Variants in ANKRD27 observed in about 807,000 individuals in gnomAD.
The protein encoded by ANKRD27 is ankyrin repeat domain 27, also known as ankyrin repeat domain-containing protein 27.
A neutral mutation model predicts 129.7 loss-of-function variants in ANKRD27; 112 were observed. The ratio of observed to expected loss-of-function variants is 0.86; its 90% CI spans 0.74 to 1.01. The LOEUF (loss-of-function observed/expected upper bound fraction) is 1.01. Ranked by LOEUF, ANKRD27 falls within the 50% of genes least tolerant of loss-of-function variation. The probability of loss-of-function intolerance (pLI) is 0.00; values close to 1 mark genes in which losing one functional copy is unlikely to be tolerated. For synonymous variants in ANKRD27, 516 were observed against 511.2 expected (o/e 1.01, Z -0.13); for missense variants, 1,258 against 1,300.5 (o/e 0.97, Z 0.50).
rs751751587 is a variant in ANKRD27, at chr19:32,607,757, C to T, written c.2251G>A (p.Ala751Thr). 1.7e-5 allele frequency: 28 copies of T among 1,612,662 alleles called. No homozygotes were observed. Among genetic ancestry groups the T allele is most frequent in the South Asian group, 4.4e-5 (4 of 90,970 alleles). Residue 751 changes from alanine (A) to threonine (T), a missense_variant, in exon 23 of 29, where the codon GCC becomes ACC. Transcript: ENST00000306065. ...AGGTCCGCCCGGCCGTGCAGGGCGG[C>T]GACATGCAGCGGGGAGGAGCCGTCC... ...SQDGSSPLHV[A>T]ALHGRADLIP...
chr19:32,625,854 G>A lies in ANKRD27; in HGVS notation c.1629+20C>T. 1 of 1,554,146 alleles carries A rather than the reference G, an allele frequency of 6.4e-7. No homozygotes were observed. The highest frequency in any genetic ancestry group is 1.2e-5 in the South Asian group (1 of 81,802). On this transcript the variant is annotated intron_variant, in intron 17 of 28. Coordinates refer to ENST00000306065, the MANE Select transcript of ANKRD27 (RefSeq NM_032139.3). The stretch of plus-strand genomic sequence containing the variant: ...GGAAAGGGTGAACGCAGCCCCCCCG[G>A]AACAGCAAGAGCCACTCACGTCCTC...
chr19:32,610,566 C>T (rs921785623), intron 22 of ANKRD27, among the ~76,000 whole-genome samples: 3 of 150,370 alleles, frequency 2.0e-5, no homozygotes, highest in African/African-American at 4.9e-5. Context: ...CTGAGGCAAG[C>T]GGATCACTTG....
chr19:32,634,790 C>A (rs1967059943), intron 12 of ANKRD27, among the ~76,000 whole-genome samples: 1 of 152,152 alleles, frequency 6.6e-6, no homozygotes, highest in South Asian at 2.1e-4. Context: ...TGGTGCGTGC[C>A]TGTAGTCCCA....
intron 1 of ANKRD27, among the ~76,000 whole-genome samples, chr19:32,664,659 T>TAATAAAAAA (rs1399389861): frequency 1.5e-5 from 2 of 136,402 alleles, no homozygotes; most frequent in Non-Finnish European, 3.1e-5. Flanking sequence ...ATAATAATAA[T>TAATAAAAAA]AAAAAGTTCT....
rs1422102975 is a variant in ANKRD27, at chr19:32,641,924, C to T, written c.904+100G>A. ...CTGGGGTTACAGAGGTGAGCCACTG[C>T]ACCCAGCCCCATAAAAATCCCTTAA... On this transcript the variant is annotated intron_variant, in intron 10 of 28. Transcript: ENST00000306065. 3.6e-6 allele frequency: 5 copies of T among 1,398,984 alleles called. No individual in the cohort carries two copies. In the South Asian group the frequency reaches 4.8e-5, roughly 13 times the overall value. 86.7% of individuals were successfully genotyped at this position (1,398,984 alleles called of 1,614,324 possible). A position where few individuals can be genotyped will look rare whatever the true frequency, so the allele number is the denominator to read the frequency against.
chr19:32,662,311 C>CAAAAAAAA (rs34066529), intron 1 of ANKRD27, among the ~76,000 whole-genome samples: 2 of 38,004 alleles, frequency 5.3e-5, no homozygotes, highest in African/African-American at 1.1e-4. Flanking sequence ...ACTCAGTCTC[C>CAAAAAAAA]AAAAAAAAAA....
intron 3 of ANKRD27, among the ~76,000 whole-genome samples, chr19:32,647,612 C>T (rs1029089895): frequency 3.3e-5 from 5 of 152,190 alleles, no homozygotes; most frequent in East Asian, 1.9e-4. Flanking sequence ...AGAGGAAGCA[C>T]GGGGTTGTCA....
At position 32,641,764 on chromosome 19, in the gene ANKRD27, C is replaced by CTTTTTTTTTTTTTTTTTTTTT; in HGVS notation, c.904+259_904+260insAAAAAAAAAAAAAAAAAAAAA. On this transcript the variant is annotated intron_variant, in intron 10 of 28. Coordinates refer to ENST00000306065, the MANE Select transcript of ANKRD27 (RefSeq NM_032139.3). ...TTTCTTGACTTGTTTTCTTTTACTT[C>CTTTTTTTTTTTTTTTTTTTTT]TTCTTTTTTTTTTTTTTTTTTGAGA... Among the ~76,000 whole-genome samples the CTTTTTTTTTTTTTTTTTTTTT allele has an allele frequency of 7.5e-5, 6 of 79,726 alleles. 3 individuals carry two copies. Among genetic ancestry groups the CTTTTTTTTTTTTTTTTTTTTT allele is most frequent in the Admixed American group, 2.6e-4 (2 of 7,822 alleles). The allele number at this position is 79,726 out of a possible 152,430, so 52.3% of individuals were successfully genotyped here.
At chr19:32,605,686 A>G (rs1486977336) in intron 24 of ANKRD27, 149 bp downstream of exon 24, 2 of 1,058,144 alleles carry the variant, frequency 1.9e-6, no homozygotes, top group Non-Finnish European at 2.7e-6. Flanking sequence ...CCCGTGTGGG[A>G]AGACGCACGC....
intron 17 of ANKRD27, among the ~76,000 whole-genome samples, chr19:32,624,212 C>G (rs549207800): frequency 6.6e-6 from 1 of 151,998 alleles, no homozygotes; most frequent in East Asian, 1.9e-4. Context: ...ACTAAAAATA[C>G]AAAAATTAGC....
chr19:32,656,319 C>T (rs527324251), intron 2 of ANKRD27, among the ~76,000 whole-genome samples: 4 of 152,230 alleles, frequency 2.6e-5, no homozygotes, highest in Admixed American at 1.3e-4. Context: ...TATCATACAA[C>T]GAAGACAGGA....
intron 1 of ANKRD27, among the ~76,000 whole-genome samples, chr19:32,659,603 G>A (rs189489432): frequency 2.9e-4 from 44 of 152,168 alleles, no homozygotes; most frequent in Non-Finnish European, 2.5e-4. Flanking sequence ...TATCCTACAT[G>A]ACCAAAATTA....
intron 1 of ANKRD27, among the ~76,000 whole-genome samples, chr19:32,661,543 G>A (rs887111524): frequency 1.3e-5 from 2 of 151,906 alleles, no homozygotes; most frequent in Non-Finnish European, 2.9e-5. Flanking sequence ...AGATTTTGCT[G>A]TGTTGCCCAC....
intron 12 of ANKRD27, among the ~76,000 whole-genome samples, chr19:32,632,314 G>A (rs185808929): frequency 7.3e-5 from 11 of 149,952 alleles, no homozygotes; most frequent in Non-Finnish European, 1.0e-4. Context: ...GGCCAGGCGC[G>A]GTGGCTCATG....
intron 1 of ANKRD27, among the ~76,000 whole-genome samples, chr19:32,668,695 C>T (rs565675226): frequency 6.6e-6 from 1 of 152,040 alleles, no homozygotes; most frequent in Admixed American, 6.6e-5. Context: ...AAGCAATCCT[C>T]CTGTCTCGGA....
At chr19:32,617,286 G>A (rs191573176) in intron 21 of ANKRD27, among the ~76,000 whole-genome samples, 1 of 152,246 alleles carries the variant, frequency 6.6e-6, no homozygotes, top group East Asian at 1.9e-4. Flanking sequence ...GCTCACACCT[G>A]TAATCCAAGT....
At position 32,608,216 on chromosome 19, in the gene ANKRD27, G is replaced by T. The variant is rs113010539; in HGVS notation, c.2176-384C>A. The T allele has an allele frequency of 3.5e-3, 886 of 256,566 alleles. 9 individuals carry two copies. The highest frequency in any genetic ancestry group is 0.02 in the African/African-American group (809 of 41,264). The allele number at this position is 256,566 out of a possible 1,614,324, so 15.9% of individuals were successfully genotyped here. A position where few individuals can be genotyped will look rare whatever the true frequency, so the allele number is the denominator to read the frequency against. The stretch of plus-strand genomic sequence containing the variant: ...TGTAGAGATGGGGTCTCACCAGCTG[G>T]CCCAGGCTGGTCTTGAACTCCCAGG... On this transcript the variant is annotated intron_variant, in intron 22 of 28. Transcript: ENST00000306065.
intron 22 of ANKRD27, among the ~76,000 whole-genome samples, chr19:32,613,651 G>A (rs530871393): frequency 1.2e-4 from 18 of 151,904 alleles, no homozygotes; most frequent in Middle Eastern, 3.5e-3. Flanking sequence ...GGAATCAAAC[G>A]GAGTGAAGAA....
At chr19:32,648,840 G>GA in intron 3 of ANKRD27, among the ~76,000 whole-genome samples, 1 of 151,778 alleles carries the variant, frequency 6.6e-6, no homozygotes. Flanking sequence ...AATATGTGTT[G>GA]AGAGACAGCG....
Sources: allele counts gnomAD v4.1 joint callset (sites outside exome capture counted in the v4.1 genomes callset), GRCh38; gene constraint gnomAD v4.1.1; transcripts MANE v1.5; gene names NCBI Gene and HGNC (gene_info 2026-07-23, HGNC 2026-07-21).